The following ZC3H7B variants were observed in gnomAD, a reference collection of about 807,000 sequenced individuals.
ZC3H7B encodes zinc finger CCCH-type containing 7B, also known as zinc finger CCCH domain-containing protein 7B.
In ZC3H7B, 35 loss-of-function variants were observed where a neutral mutation model predicts 116.0. That is an observed-to-expected ratio of 0.30 (90% CI 0.23 to 0.40). The LOEUF (loss-of-function observed/expected upper bound fraction) is 0.40, where lower values mean the gene tolerates loss of function less well. Among genes scored for constraint, ZC3H7B ranks in the 10% least tolerant of loss-of-function variants. ZC3H7B has a pLI of 1.00. For missense variants in ZC3H7B, 1,011 were observed against 1,321.5 expected (o/e 0.77, Z 3.64); for synonymous variants, 502 against 545.6 (o/e 0.92, Z 1.11).
intron 15 of ZC3H7B, among the ~76,000 whole-genome samples, chr22:41,348,721 G>T (rs572666912): frequency 6.6e-6 from 1 of 152,188 alleles, no homozygotes; most frequent in Non-Finnish European, 1.5e-5. Flanking sequence ...GGGTTTCCTC[G>T]TCTGTAAAGC....
rs759881157 is a variant in ZC3H7B, at chr22:41,338,298, G to A, written c.583-15G>A. On this transcript the variant is annotated splice_polypyrimidine_tract_variant and intron_variant, in intron 7 of 22. Transcript: ENST00000352645. This position sits in a 1 kb window ranked among gnomAD's most constrained non-coding sequence, Gnocchi z 4.5. ...CCTTCCCAGCCACAGCGCCACTGTG[G>A]CCCTCTCCCCACAGGGAACTTCTAA... 3.1e-6 allele frequency: 5 copies of A among 1,611,668 alleles called. No homozygotes were observed. Among genetic ancestry groups the A allele is most frequent in the Admixed American group, 1.7e-5 (1 of 59,844 alleles).
chr22:41,305,190 C>T (rs1165749472), intron 1 of ZC3H7B, among the ~76,000 whole-genome samples: 1 of 152,104 alleles, frequency 6.6e-6, no homozygotes, highest in Non-Finnish European at 1.5e-5. Context: ...ACTAAAAGTA[C>T]AAAACTTAGC....
intron 1 of ZC3H7B, among the ~76,000 whole-genome samples, chr22:41,306,048 T>C (rs2036036862): frequency 6.6e-6 from 1 of 152,068 alleles, no homozygotes; most frequent in Admixed American, 6.6e-5. Flanking sequence ...GCAGAGGCAT[T>C]GAGATGGACA....
chr22:41,346,091 G>C lies in ZC3H7B; in HGVS notation c.1548G>C (p.Arg516=). Reference sequence around the variant, plus strand: ...AGATCGACGTGTGGACCGAGGAGCGGAAGGGCACCCTCAACCGCGACCTGC... The same window carrying C: ...AGATCGACGTGTGGACCGAGGAGCGCAAGGGCACCCTCAACCGCGACCTGC... ...QEEIDVWTEE[R]KGTLNRDLLF... The change falls in exon 14 of 23, where the codon CGG becomes CGC. Residue 516 remains arginine (R), a synonymous_variant. Coordinates refer to ENST00000352645, the MANE Select transcript of ZC3H7B (RefSeq NM_017590.6). The surrounding 1 kb of genome is among the most constrained non-coding windows in gnomAD (Gnocchi z 5.3). 6 of 1,613,926 alleles carry C rather than the reference G, an allele frequency of 3.7e-6. No homozygotes were observed. Among genetic ancestry groups the C allele is most frequent in the Non-Finnish European group, 5.1e-6 (6 of 1,180,012 alleles).
intron 16 of ZC3H7B, among the ~76,000 whole-genome samples, chr22:41,350,498 T>C (rs1170116956): frequency 2.0e-5 from 3 of 152,046 alleles, no homozygotes; most frequent in Non-Finnish European, 4.4e-5. Context: ...GTGGTGATGC[T>C]GGAGGTGGGA....
chr22:41,312,732 A>G (rs1347480595), intron 1 of ZC3H7B, among the ~76,000 whole-genome samples: 2 of 151,602 alleles, frequency 1.3e-5, no homozygotes, highest in Non-Finnish European at 2.9e-5. Context: ...ATGTGGTGAA[A>G]CCCTGTCTCT....
chr22:41,352,303 C>T (rs1292660476), intron 17 of ZC3H7B, among the ~76,000 whole-genome samples: 1 of 152,190 alleles, frequency 6.6e-6, no homozygotes, highest in East Asian at 1.9e-4. Flanking sequence ...TCAGGGGATG[C>T]GTCATCTCAG....
At chr22:41,340,250 C>A in intron 10 of ZC3H7B, 113 bp downstream of exon 10, 1 of 1,139,138 alleles carries the variant, frequency 8.8e-7, no homozygotes, top group Non-Finnish European at 1.2e-6. Flanking sequence ...CCCCATCACT[C>A]CTTAGCAATC....
chr22:41,351,195 T>C lies in ZC3H7B; in HGVS notation c.1949-366T>C, dbSNP rs934398091. On this transcript the variant is annotated intron_variant, in intron 16 of 22. Coordinates refer to ENST00000352645, the MANE Select transcript of ZC3H7B (RefSeq NM_017590.6). The surrounding 1 kb of genome is among the most constrained non-coding windows in gnomAD (Gnocchi z 5.1). Reference sequence around the variant, plus strand: ...AGGGGCTGCCAAGCAGGCACTAGGCTTGCAGCCCTGTTGAGGGAGATGGGG... The same window carrying C: ...AGGGGCTGCCAAGCAGGCACTAGGCCTGCAGCCCTGTTGAGGGAGATGGGG... 2.0e-5 allele frequency among the ~76,000 whole-genome samples: 3 copies of C among 152,138 alleles called. No homozygotes were observed. Among genetic ancestry groups the C allele is most frequent in the Non-Finnish European group, 4.4e-5 (3 of 68,012 alleles).
chr22:41,346,587 G>A lies in ZC3H7B; in HGVS notation c.1665+379G>A, dbSNP rs1374137031. Among the ~76,000 whole-genome samples the A allele has an allele frequency of 6.6e-6, 1 of 151,752 alleles. No individual in the cohort carries two copies. Among genetic ancestry groups the A allele is most frequent in the Non-Finnish European group, 1.5e-5 (1 of 67,990 alleles). On this transcript the variant is annotated intron_variant, in intron 14 of 22. Transcript: ENST00000352645. The surrounding 1 kb of genome is among the most constrained non-coding windows in gnomAD (Gnocchi z 5.3). ...TCCCAGCACTTTGGGAGGCTGAGGC[G>A]GGCAAATCAATTGAGGTCAGGAGTT...
At chr22:41,320,806 C>T (rs1298025203) in intron 2 of ZC3H7B, 93 bp downstream of exon 2, 5 of 1,557,466 alleles carry the variant, frequency 3.2e-6, no homozygotes, top group Non-Finnish European at 4.4e-6. Context: ...TTTCTTGCTG[C>T]TGAGCCTTTG....
At chr22:41,344,443 CT>C (rs375480923) in intron 13 of ZC3H7B, among the ~76,000 whole-genome samples, 7 of 152,346 alleles carry the variant, frequency 4.6e-5, no homozygotes, top group African/African-American at 1.7e-4. Context: ...CCCCTCACCC[CT>C]CTGCCCTAAC....
intron 1 of ZC3H7B, among the ~76,000 whole-genome samples, chr22:41,304,067 T>G (rs2036009063): frequency 6.7e-6 from 1 of 148,686 alleles, no homozygotes; most frequent in Non-Finnish European, 1.5e-5. Flanking sequence ...TTCTTTTTAT[T>G]TTTTGAGACA....
At chr22:41,303,749 T>C (rs2036004218) in intron 1 of ZC3H7B, among the ~76,000 whole-genome samples, 1 of 152,186 alleles carries the variant, frequency 6.6e-6, no homozygotes, top group Admixed American at 6.5e-5. Flanking sequence ...TTTTCATTTA[T>C]TTTATTTTAT....
In ZC3H7B at chr22:41,332,498, T is replaced by G. The variant is rs1011444644; in HGVS notation, c.582+271T>G. On this transcript the variant is annotated intron_variant, in intron 7 of 22. Transcript: ENST00000352645. ...GGCAGCCTGGTCCCACACGCCTTCC[T>G]TCTGCCTCCTGCCCCACATTTCCTG... 61 of 437,740 alleles carry G rather than the reference T, an allele frequency of 1.4e-4. 1 individual carries two copies. The highest frequency in any genetic ancestry group is 1.2e-3 in the South Asian group (31 of 25,734). The allele number at this position is 437,740 out of a possible 1,614,324, so 27.1% of individuals were successfully genotyped here. A position where few individuals can be genotyped will look rare whatever the true frequency, so the allele number is the denominator to read the frequency against.
rs1378040685 is a variant in ZC3H7B at position 41,346,060 on chromosome 22, A to G, written c.1517A>G (p.Gln506Arg). The change falls in exon 14 of 23, where the codon CAG (glutamine) becomes CGG (arginine). Residue 506 changes from glutamine (Q) to arginine (R), a missense_variant. Physicochemically the swap from Gln to Arg is conservative, Grantham distance 43. Around this residue, in one of 5 missense-constraint regions of ZC3H7B, gnomAD observed 179 missense variants for 178.5 expected, o/e 1.00. Coordinates refer to ENST00000352645, the MANE Select transcript of ZC3H7B (RefSeq NM_017590.6). The surrounding 1 kb of genome is among the most constrained non-coding windows in gnomAD (Gnocchi z 5.3). The stretch of plus-strand genomic sequence containing the variant: ...GATAACTGCACCTTCGCCTACCATC[A>G]GGAGGAGATCGACGTGTGGACCGAG... Reference protein sequence around the residue: ...YGDNCTFAYHQEEIDVWTEER... With the variant: ...YGDNCTFAYHREEIDVWTEER... 1.2e-6 allele frequency: 2 copies of G among 1,614,100 alleles called. No homozygotes were observed.
At chr22:41,340,171 G>T in intron 10 of ZC3H7B, 34 bp downstream of exon 10, 1 of 1,562,442 alleles carries the variant, frequency 6.4e-7, no homozygotes, top group East Asian at 2.3e-5. Flanking sequence ...CAACCTCCCT[G>T]GACAGGTTGC....
chr22:41,310,987 G>C (rs1031842537), intron 1 of ZC3H7B, among the ~76,000 whole-genome samples: 1 of 151,544 alleles, frequency 6.6e-6, no homozygotes, highest in South Asian at 2.1e-4. Flanking sequence ...GGATGGTCTC[G>C]ATCTCCTGAC....
chr22:41,326,684 C>G (rs2036323594), intron 4 of ZC3H7B, among the ~76,000 whole-genome samples: 1 of 152,212 alleles, frequency 6.6e-6, no homozygotes, highest in Admixed American at 6.5e-5. Context: ...CCCACTGACT[C>G]AGGTTCATGA....
Sources: gnomAD v4.1 joint callset for allele counts (sites outside exome capture counted in the v4.1 genomes callset) on GRCh38, gnomAD v4.1.1 for gene constraint, gnomAD v4.1.1 regional missense constraint, Gnocchi (gnomAD v3.1) non-coding constraint, MANE v1.5 for transcripts, NCBI Gene and HGNC (gene_info 2026-07-23, HGNC 2026-07-21) for gene names.